The following CNTN5 variants were observed in gnomAD, a reference collection of about 807,000 sequenced individuals.
CNTN5 encodes contactin-5.
In CNTN5, 77 loss-of-function variants were observed where a neutral mutation model predicts 129.1. That is an observed-to-expected ratio of 0.60 (90% CI 0.50 to 0.72). CNTN5 has a LOEUF of 0.72. Among genes scored for constraint, CNTN5 ranks in the 30% least tolerant of loss-of-function variants. The probability of loss-of-function intolerance (pLI) is 0.00; values close to 1 mark genes in which losing one functional copy is unlikely to be tolerated. For missense variants in CNTN5, 1,478 were observed against 1,328.8 expected, an observed-to-expected ratio of 1.11 and a Z score of -1.75; for synonymous variants, 509 against 465.6, an observed-to-expected ratio of 1.09 and a Z score of -1.20.
chr11:99,167,013 C>G (rs1467011348), intron 1 of CNTN5, among the ~76,000 whole-genome samples: 1 of 152,094 alleles, frequency 6.6e-6, no homozygotes, highest in Non-Finnish European at 1.5e-5. Flanking sequence ...AGCTTTGCTA[C>G]TTCTGAGGCT....
In CNTN5 at chr11:99,978,587, T is replaced by G. The variant is rs544027385; in HGVS notation, c.877+21578T>G. On this transcript the variant is annotated intron_variant, in intron 8 of 24. Transcript: ENST00000524871. ...AAAATACTTACCATTGTATTACAATTGTCTACAGTATTCAGTAGAGTAACA... is the reference window on the plus strand; with the variant it reads ...AAAATACTTACCATTGTATTACAATGGTCTACAGTATTCAGTAGAGTAACA... 1.3e-3 allele frequency among the ~76,000 whole-genome samples: 205 copies of G among 152,354 alleles called. 1 individual carries two copies. The highest frequency in any genetic ancestry group is 4.9e-3 in the African/African-American group (202 of 41,576).
intron 1 of CNTN5, among the ~76,000 whole-genome samples, chr11:99,253,847 T>C (rs1036800405): frequency 6.7e-6 from 1 of 150,066 alleles, no homozygotes; most frequent in Non-Finnish European, 1.5e-5. Context: ...AGTTTATCTA[T>C]GGATCCTTCC....
intron 1 of CNTN5, among the ~76,000 whole-genome samples, chr11:99,135,034 G>T (rs187446550): frequency 8.5e-5 from 13 of 152,138 alleles, no homozygotes; most frequent in African/African-American, 2.9e-4. Context: ...CCACTTCCAC[G>T]TAGAACACTA....
intron 9 of CNTN5, among the ~76,000 whole-genome samples, chr11:100,049,398 T>C (rs992315150): frequency 2.0e-5 from 3 of 151,884 alleles, no homozygotes; most frequent in African/African-American, 7.2e-5. Flanking sequence ...AATAAACTAG[T>C]ATAAGACTAA....
At chr11:99,154,278 A>G (rs12221853) in intron 1 of CNTN5, among the ~76,000 whole-genome samples, 18,584 of 152,186 alleles carry the variant, frequency 0.12, 1,291 homozygotes, top group East Asian at 0.34. Flanking sequence ...TTGCACTTGC[A>G]CCAGTGGCAG....
intron 2 of CNTN5, among the ~76,000 whole-genome samples, chr11:99,453,805 C>G (rs908359487): frequency 1.4e-4 from 21 of 152,036 alleles, no homozygotes; most frequent in Admixed American, 1.4e-3. Context: ...TGACTGCCTT[C>G]GATATAAGCC....
In CNTN5 at chr11:100,335,898, TTTGA is replaced by T. The variant is rs537724100; in HGVS notation, c.2731-4564_2731-4561del. Among the ~76,000 whole-genome samples the T allele has an allele frequency of 3.8e-3, 582 of 152,196 alleles. 8 individuals carry two copies. The highest frequency in any genetic ancestry group is 0.013 in the African/African-American group (537 of 41,544). On this transcript the variant is annotated intron_variant, in intron 21 of 24. Coordinates refer to ENST00000524871, the MANE Select transcript of CNTN5 (RefSeq NM_014361.4). ...ATTATAATTTTAAATAAAAATAATA[TTTGA>T]GAGACAAAAATCAGAAAACCAAAAT...
Position 99,934,718 on chromosome 11 carries a change from C to A in CNTN5, c.673+18569C>A, listed in dbSNP as rs1301010978. Among the ~76,000 whole-genome samples, 3 of 151,728 alleles carry A rather than the reference C, an allele frequency of 2.0e-5. No homozygotes were observed. The East Asian group carries it at 5.8e-4, about 30-fold the overall frequency. ...TGGCCAGCATGGTGAAACTCTGTGT[C>A]TACTAAAAATACAAAAATTAGCTGG... On this transcript the variant is annotated intron_variant, in intron 7 of 24. Transcript: ENST00000524871.
intron 3 of CNTN5, among the ~76,000 whole-genome samples, chr11:99,650,721 TACTC>T (rs992009933): frequency 3.8e-4 from 58 of 152,066 alleles, no homozygotes; most frequent in Admixed American, 9.2e-4. Flanking sequence ...AATGAAATAA[TACTC>T]AGTAGTAGTT....
intron 8 of CNTN5, among the ~76,000 whole-genome samples, chr11:99,992,672 C>T (rs1211165599): frequency 6.6e-6 from 1 of 152,142 alleles, no homozygotes; most frequent in East Asian, 1.9e-4. Flanking sequence ...TGTTTTGGCT[C>T]TCTGTTCTGT....
rs2010626 is a variant in CNTN5, at chr11:100,095,878, C to T, written c.1580+21584C>T. ...TGTCTCCATTATTTTTAGCAAAGGGCTTTTTGTCAGTATTTTGTCTCCAGT... is the reference window on the plus strand; with the variant it reads ...TGTCTCCATTATTTTTAGCAAAGGGTTTTTTGTCAGTATTTTGTCTCCAGT... On this transcript the variant is annotated intron_variant, in intron 13 of 24. Coordinates refer to ENST00000524871, the MANE Select transcript of CNTN5 (RefSeq NM_014361.4). Among the ~76,000 whole-genome samples the T allele has an allele frequency of 1.0e-2, 1,516 of 152,110 alleles. 24 individuals are homozygous for T. Among genetic ancestry groups the T allele is most frequent in the African/African-American group, 0.033 (1,369 of 41,524 alleles).
At chr11:99,584,632 A>G (rs1035434255) in intron 3 of CNTN5, among the ~76,000 whole-genome samples, 2 of 152,218 alleles carry the variant, frequency 1.3e-5, no homozygotes, top group Non-Finnish European at 2.9e-5. Flanking sequence ...TATTAAATAA[A>G]ACCCTTAAAT....
intron 1 of CNTN5, among the ~76,000 whole-genome samples, chr11:99,140,930 T>C (rs1252327607): frequency 2.0e-5 from 3 of 152,132 alleles, no homozygotes; most frequent in Non-Finnish European, 4.4e-5. Flanking sequence ...GCAGCTATCT[T>C]CTTTAGGGAT....
intron 9 of CNTN5, among the ~76,000 whole-genome samples, chr11:100,039,111 TG>T (rs1162840718): frequency 1.3e-5 from 2 of 152,250 alleles, no homozygotes; most frequent in Admixed American, 1.3e-4. Flanking sequence ...TGGTTCCGGT[TG>T]TTCCTTTCCA....
intron 3 of CNTN5, among the ~76,000 whole-genome samples, chr11:99,790,075 A>G (rs993303546): frequency 1.3e-5 from 2 of 152,080 alleles, no homozygotes; most frequent in African/African-American, 2.4e-5. Context: ...AATGGCCTCC[A>G]GCTGGATCTG....
intron 2 of CNTN5, among the ~76,000 whole-genome samples, chr11:99,555,649 G>A (rs1174458558): frequency 6.6e-6 from 1 of 151,844 alleles, no homozygotes; most frequent in South Asian, 2.1e-4. Context: ...AACAAAGGAA[G>A]TTGACATTAA....
At chr11:99,522,854 C>T (rs935531132) in intron 2 of CNTN5, among the ~76,000 whole-genome samples, 16 of 152,014 alleles carry the variant, frequency 1.1e-4, no homozygotes, top group South Asian at 2.1e-4. Flanking sequence ...TAACTAATGC[C>T]GTGCCTTCTC....
chr11:100,186,617 A>G (rs1163914147), intron 13 of CNTN5, among the ~76,000 whole-genome samples: 1 of 152,126 alleles, frequency 6.6e-6, no homozygotes, highest in Non-Finnish European at 1.5e-5. Context: ...AGAGACCAGG[A>G]CATAAGTGTG....
At chr11:99,178,906 A>G (rs1423774570) in intron 1 of CNTN5, among the ~76,000 whole-genome samples, 1 of 152,156 alleles carries the variant, frequency 6.6e-6, no homozygotes, top group Non-Finnish European at 1.5e-5. Context: ...CCAGAAACTG[A>G]AAGTATAAGT....
Sources: allele counts gnomAD v4.1 joint callset (sites outside exome capture counted in the v4.1 genomes callset), GRCh38; gene constraint gnomAD v4.1.1; transcripts MANE v1.5; gene names NCBI Gene and HGNC (gene_info 2026-07-23, HGNC 2026-07-21).